Variants in ATP6V1C1 observed in about 807,000 individuals in gnomAD.
ATP6V1C1 encodes V-type proton ATPase subunit C 1.
A neutral mutation model predicts 53.9 loss-of-function variants in ATP6V1C1; 45 were observed. The ratio of observed to expected loss-of-function variants is 0.83; its 90% CI spans 0.66 to 1.07. The LOEUF (loss-of-function observed/expected upper bound fraction) is 1.07. Among genes scored for constraint, ATP6V1C1 ranks in the 50% least tolerant of loss-of-function variants. ATP6V1C1 has a pLI of 0.00. For missense variants in ATP6V1C1, 315 were observed against 440.3 expected (o/e 0.72, Z 2.55); for synonymous variants, 153 against 155.2 (o/e 0.99, Z 0.11).
chr8:103,042,715 A>G (rs1026358668), intron 3 of ATP6V1C1, among the ~76,000 whole-genome samples: 9 of 152,262 alleles, frequency 5.9e-5, no homozygotes, highest in Non-Finnish European at 1.2e-4. Flanking sequence ...AACCATTGCC[A>G]CAATCAGTTT....
At chr8:103,065,281 G>A (rs72669354) in intron 11 of ATP6V1C1, among the ~76,000 whole-genome samples, 12,515 of 152,288 alleles carry the variant, frequency 0.082, 689 homozygotes, top group Non-Finnish European at 0.11. Flanking sequence ...ACTTGGCCGG[G>A]TGCAGTGGCT....
chr8:103,045,948 AAAG>A (rs1817089601), intron 3 of ATP6V1C1, among the ~76,000 whole-genome samples: 1 of 152,148 alleles, frequency 6.6e-6, no homozygotes, highest in Non-Finnish European at 1.5e-5. Context: ...TTCAAAAAAA[AAAG>A]AAAAGAAAAA....
At chr8:103,041,372 T>A (rs1273420685) in intron 2 of ATP6V1C1, among the ~76,000 whole-genome samples, 1 of 152,202 alleles carries the variant, frequency 6.6e-6, no homozygotes, top group Non-Finnish European at 1.5e-5. Context: ...ACTTGGCAAA[T>A]CTAACCCAGT....
At chr8:103,036,729 ATTT>A (rs1816904696) in intron 1 of ATP6V1C1, among the ~76,000 whole-genome samples, 1 of 152,106 alleles carries the variant, frequency 6.6e-6, no homozygotes, top group Admixed American at 6.6e-5. Flanking sequence ...AGAAGAAAAG[ATTT>A]TCTGGAACTC....
chr8:103,063,045 C>A lies in ATP6V1C1; in HGVS notation c.732C>A (p.Asn244Lys), dbSNP rs891795692. The change falls in exon 9 of 13, where the codon AAC becomes AAA. Residue 244 changes from asparagine to lysine, a missense_variant and splice_region_variant. Physicochemically the swap from Asn to Lys is moderately conservative, Grantham distance 94. Coordinates refer to ENST00000518738, the MANE Select transcript of ATP6V1C1 (RefSeq NM_001695.5). ...VDDFRHKARE[N>K]KFIVRDFQYN... ...ACTTCAGACACAAAGCCAGAGAAAA[C>A]AAGTAAGATTATTGTTTTTTTGTTT... 3.1e-6 allele frequency: 5 copies of A among 1,613,360 alleles called. No homozygotes were observed. The highest frequency in any genetic ancestry group is 4.2e-6 in the Non-Finnish European group (5 of 1,179,676).
rs562063877 is a variant in ATP6V1C1, at chr8:103,062,189, T to TC, written c.642-766_642-765insC. Among the ~76,000 whole-genome samples, 304 of 137,780 alleles carry TC rather than the reference T, an allele frequency of 2.2e-3. 2 individuals carry two copies. The highest frequency in any genetic ancestry group is 7.8e-3 in the African/African-American group (288 of 36,784). 90.4% of individuals were successfully genotyped at this position (137,780 alleles called of 152,430 possible). A position where few individuals can be genotyped will look rare whatever the true frequency, so the allele number is the denominator to read the frequency against. ...TTTTTTTTTTTTTTTTTTTTTTTTT[T>TC]TGACAGGGACTCACTCTGTCACCCA... On this transcript the variant is annotated intron_variant, in intron 8 of 12. Coordinates refer to ENST00000518738, the MANE Select transcript of ATP6V1C1 (RefSeq NM_001695.5).
At chr8:103,048,849 T>C in intron 3 of ATP6V1C1, 21 bp from the exon 4 acceptor site, 3 of 1,594,338 alleles carry the variant, frequency 1.9e-6, no homozygotes, top group Non-Finnish European at 2.6e-6. Context: ...AGAATGGTTG[T>C]TGATATTTTT....
intron 4 of ATP6V1C1, 73 bp downstream of exon 4, chr8:103,049,028 A>G (rs1424663166): frequency 1.4e-6 from 2 of 1,406,914 alleles, no homozygotes. Context: ...AACAAAAAGT[A>G]ATGTAAAAAA....
chr8:103,064,605 A>T (rs1817457178), intron 10 of ATP6V1C1, 109 bp from the exon 11 acceptor site: 2 of 777,994 alleles, frequency 2.6e-6, no homozygotes, highest in Non-Finnish European at 4.0e-6. Context: ...GAATTATGCG[A>T]CTTAATTCTT....
At chr8:103,025,063 TGTGA>T (rs1210436479) in intron 1 of ATP6V1C1, among the ~76,000 whole-genome samples, 2 of 152,144 alleles carry the variant, frequency 1.3e-5, no homozygotes, top group Non-Finnish European at 2.9e-5. Flanking sequence ...TGTGTGTCTG[TGTGA>T]GTATGTGTGT....
intron 1 of ATP6V1C1, among the ~76,000 whole-genome samples, chr8:103,021,723 A>C (rs140716557): frequency 3.4e-4 from 52 of 152,254 alleles, no homozygotes; most frequent in East Asian, 5.8e-4. Context: ...CACAGAGTAC[A>C]CAAGGTCCCT....
In ATP6V1C1 at chr8:103,066,365, A is replaced by G. The variant is rs768782293; in HGVS notation, c.971A>G (p.Asn324Ser). The change falls in exon 12 of 13, where the codon AAT becomes AGT. Residue 324 changes from asparagine to serine, a missense_variant. By Grantham distance (46) the Asn-to-Ser change is conservative (BLOSUM62 1). Coordinates refer to ENST00000518738, the MANE Select transcript of ATP6V1C1 (RefSeq NM_001695.5). ...TTCCAAGCAATGCTACTTCAGCCCA[A>G]TAAGAAAACTTTGAAGAAACTGAGA... ...VNFQAMLLQPNKKTLKKLREV... is the reference protein window; with the variant it reads ...VNFQAMLLQPSKKTLKKLREV... 16 of 1,613,628 alleles carry G rather than the reference A, an allele frequency of 9.9e-6. No individual in the cohort carries two copies. The highest frequency in any genetic ancestry group is 9.9e-5 in the South Asian group (9 of 90,944).
chr8:103,066,777 TATTTTA>T (rs1306703860), intron 12 of ATP6V1C1, among the ~76,000 whole-genome samples: 1 of 152,184 alleles, frequency 6.6e-6, no homozygotes, highest in Non-Finnish European at 1.5e-5. Context: ...AATAAGCAGT[TATTTTA>T]ATTTTATTTG....
At chr8:103,029,823 C>T (rs1816765223) in intron 1 of ATP6V1C1, among the ~76,000 whole-genome samples, 2 of 152,078 alleles carry the variant, frequency 1.3e-5, no homozygotes, top group African/African-American at 4.8e-5. Context: ...ACCTCTGCCT[C>T]CCGGGTTCAA....
At chr8:103,021,259 T>G (rs1391333016) in intron 1 of ATP6V1C1, 34 bp downstream of exon 1, 1 of 152,498 alleles carries the variant, frequency 6.6e-6, no homozygotes, top group Non-Finnish European at 1.5e-5. Context: ...GGATGGGGAG[T>G]CCTGGTCAGG....
At chr8:103,024,511 T>G (rs531497182) in intron 1 of ATP6V1C1, among the ~76,000 whole-genome samples, 1 of 152,344 alleles carries the variant, frequency 6.6e-6, no homozygotes, top group East Asian at 1.9e-4. Context: ...TCTTTTGAAC[T>G]TGGTTCTGCT....
At chr8:103,034,117 A>G (rs565441834) in intron 1 of ATP6V1C1, among the ~76,000 whole-genome samples, 10 of 152,288 alleles carry the variant, frequency 6.6e-5, no homozygotes, top group African/African-American at 1.7e-4. Flanking sequence ...TCCAGCATCT[A>G]GACTAGAATT....
intron 5 of ATP6V1C1, among the ~76,000 whole-genome samples, chr8:103,051,416 T>C (rs1401119809): frequency 1.3e-5 from 2 of 152,124 alleles, no homozygotes; most frequent in Non-Finnish European, 2.9e-5. Flanking sequence ...TTATACAAAT[T>C]TTAAGGGTAC....
At chr8:103,046,162 A>G (rs1416626243) in intron 3 of ATP6V1C1, among the ~76,000 whole-genome samples, 1 of 152,092 alleles carries the variant, frequency 6.6e-6, no homozygotes, top group East Asian at 1.9e-4. Context: ...TTAAATTGTT[A>G]ATGGGATGTC....
Sources: gnomAD v4.1 joint callset for allele counts (sites outside exome capture counted in the v4.1 genomes callset) on GRCh38, gnomAD v4.1.1 for gene constraint, MANE v1.5 for transcripts, NCBI Gene and HGNC (gene_info 2026-07-23, HGNC 2026-07-21) for gene names.